The following STK10 variants were observed in gnomAD, a reference collection of about 807,000 sequenced individuals.
STK10 encodes the protein serine/threonine-protein kinase 10.
In STK10, 78 loss-of-function variants were observed where a neutral mutation model predicts 113.8. The ratio of observed to expected loss-of-function variants is 0.69; its 90% CI spans 0.57 to 0.83. STK10 has a LOEUF of 0.83. Ranked by LOEUF, STK10 falls within the 40% of genes least tolerant of loss-of-function variation. STK10 has a pLI of 0.00. For synonymous variants in STK10, 465 were observed against 494.7 expected, an observed-to-expected ratio of 0.94 and a Z score of 0.80; for missense variants, 1,109 against 1,280.1, an observed-to-expected ratio of 0.87 and a Z score of 2.04.
At chr5:172,117,346 G>A in intron 4 of STK10, 135 bp downstream of exon 4, 1 of 909,698 alleles carries the variant, frequency 1.1e-6, no homozygotes, top group Non-Finnish European at 1.6e-6. Flanking sequence ...GAGAACTGCT[G>A]ACATGCCAAG....
At chr5:172,075,289 T>A (rs1768284070) in intron 12 of STK10, among the ~76,000 whole-genome samples, 1 of 152,148 alleles carries the variant, frequency 6.6e-6, no homozygotes, top group South Asian at 2.1e-4. Flanking sequence ...AATACTTGCA[T>A]ACAGAATCTA....
At chr5:172,071,238 A>G (rs918495697) in intron 12 of STK10, among the ~76,000 whole-genome samples, 2 of 144,810 alleles carry the variant, frequency 1.4e-5, no homozygotes, top group Non-Finnish European at 3.0e-5. Flanking sequence ...AAAAAAAAAA[A>G]AAAGAAATAG....
intron 2 of STK10, among the ~76,000 whole-genome samples, chr5:172,127,855 C>T (rs1378355010): frequency 6.6e-6 from 1 of 152,226 alleles, no homozygotes; most frequent in Non-Finnish European, 1.5e-5. Flanking sequence ...CAGCACCTGT[C>T]TCAGGCTCTC....
In STK10 at chr5:172,187,672, C is replaced by T. The variant is rs1484097130; in HGVS notation, c.156+215G>A. Among the ~76,000 whole-genome samples the T allele has an allele frequency of 6.6e-6, 1 of 152,196 alleles. No homozygotes were observed. The highest frequency in any genetic ancestry group is 2.4e-5 in the African/African-American group (1 of 41,458). On this transcript the variant is annotated intron_variant, in intron 1 of 18. Transcript: ENST00000176763. This position sits in a 1 kb window ranked among gnomAD's most constrained non-coding sequence, Gnocchi z 4.6. ...ACAGGGCTAGGGTGGGGGCGGCAAC[C>T]GTGCCCGGAGGGGGCGCCCAGAGCG...
intron 1 of STK10, among the ~76,000 whole-genome samples, chr5:172,159,475 G>A (rs780440950): frequency 6.6e-6 from 1 of 152,180 alleles, no homozygotes; most frequent in Non-Finnish European, 1.5e-5. Context: ...CCAGGAGACG[G>A]AGGCTGCAGT....
intron 2 of STK10, among the ~76,000 whole-genome samples, chr5:172,145,798 C>T (rs113875224): frequency 4.0e-4 from 61 of 152,304 alleles, no homozygotes; most frequent in African/African-American, 1.4e-3. Context: ...TGGGATCACA[C>T]AGGGAAAGCC....
Position 172,093,561 on chromosome 5 carries a change from T to C in STK10, c.1405A>G (p.Ser469Gly). The C allele has an allele frequency of 6.2e-7, 1 of 1,614,242 alleles. No homozygotes were observed. The highest frequency in any genetic ancestry group is 8.5e-7 in the Non-Finnish European group (1 of 1,180,032). ...GCTGCCTGGGCAGGTGGCTCCAGGC[T>C]GCCATTGGCCAGCTTCTCCCCACCC... ...TLGGEKLANG[S>G]LEPPAQAAPG... is the part of the protein sequence containing the mutation. The change falls in exon 9 of 19, where the codon AGC (serine) becomes GGC (glycine). Residue 469 changes from serine (S) to glycine (G), a missense_variant. Ser to Gly is a moderately conservative substitution (Grantham distance 56). Around this residue, in one of 5 missense-constraint regions of STK10, gnomAD observed 885 missense variants for 991.1 expected, o/e 0.89. Coordinates refer to ENST00000176763, the MANE Select transcript of STK10 (RefSeq NM_005990.4). This position sits in a 1 kb window ranked among gnomAD's most constrained non-coding sequence, Gnocchi z 4.1.
intron 18 of STK10, among the ~76,000 whole-genome samples, chr5:172,049,356 G>A (rs538338565): frequency 9.7e-4 from 148 of 152,268 alleles, no homozygotes; most frequent in African/African-American, 3.2e-3. Flanking sequence ...TACAGCCTCC[G>A]TGGGGGAGGC....
intron 15 of STK10, chr5:172,057,049 G>GA (rs1178209567): frequency 9.3e-6 from 2 of 214,186 alleles, no homozygotes; most frequent in East Asian, 1.1e-4. Context: ...AAGAAAGAAA[G>GA]AAAAGAAGAA....
At chr5:172,054,867 G>A (rs186557530) in intron 16 of STK10, among the ~76,000 whole-genome samples, 173 bp from the exon 17 acceptor site, 1 of 152,308 alleles carries the variant, frequency 6.6e-6, no homozygotes, top group Non-Finnish European at 1.5e-5. Flanking sequence ...CCTGAGCTGA[G>A]ACCCAGCCCC....
At chr5:172,055,355 A>T (rs527584109) in intron 16 of STK10, among the ~76,000 whole-genome samples, 26 of 152,032 alleles carry the variant, frequency 1.7e-4, no homozygotes, top group South Asian at 6.2e-4. Context: ...TAATATTTTT[A>T]AAAAATTATT....
chr5:172,114,486 T>A (rs1313918913), intron 4 of STK10: 5 of 91,976 alleles, frequency 5.4e-5, no homozygotes, highest in Admixed American at 2.2e-4. Flanking sequence ...TTTTTTTTTT[T>A]TTTTTTTTTT....
chr5:172,089,067 T>A (rs539078534), intron 10 of STK10, among the ~76,000 whole-genome samples: 2 of 152,126 alleles, frequency 1.3e-5, no homozygotes, highest in South Asian at 4.1e-4. Flanking sequence ...CCCATCCTAG[T>A]CAAGATCTCC....
At chr5:172,110,602 C>A (rs191797022) in intron 4 of STK10, among the ~76,000 whole-genome samples, 208 of 151,972 alleles carry the variant, frequency 1.4e-3, no homozygotes, top group Non-Finnish European at 2.5e-3. Flanking sequence ...GACTGGGAGG[C>A]AGGAAACAGC....
intron 12 of STK10, among the ~76,000 whole-genome samples, chr5:172,075,753 C>G (rs944344760): frequency 6.6e-6 from 1 of 152,166 alleles, no homozygotes; most frequent in Non-Finnish European, 1.5e-5. Flanking sequence ...ATACTCAAAT[C>G]ATTAGTTGTT....
intron 12 of STK10, among the ~76,000 whole-genome samples, chr5:172,081,787 C>T (rs908331650): frequency 6.6e-6 from 1 of 152,212 alleles, no homozygotes; most frequent in East Asian, 1.9e-4. Context: ...TCTCCTTCCT[C>T]CACAGAGGGA....
At chr5:172,056,201 G>A (rs116237750) in intron 15 of STK10, among the ~76,000 whole-genome samples, 2,069 of 152,254 alleles carry the variant, frequency 0.014, 46 homozygotes, top group African/African-American at 0.048. Flanking sequence ...CCTCCAAGAA[G>A]CCTTCCCCGA....
At chr5:172,096,119 GA>G (rs1370692378) in intron 8 of STK10, among the ~76,000 whole-genome samples, 1 of 152,126 alleles carries the variant, frequency 6.6e-6, no homozygotes, top group Non-Finnish European at 1.5e-5. Context: ...GCTGTGACAG[GA>G]ACAAAGGATG....
At chr5:172,104,084 G>A (rs1252125813) in intron 7 of STK10, among the ~76,000 whole-genome samples, 1 of 152,254 alleles carries the variant, frequency 6.6e-6, no homozygotes, top group Non-Finnish European at 1.5e-5. Context: ...ATGGCACACA[G>A]TAGGAAGCTG....
Sources: gnomAD v4.1 joint callset for allele counts (sites outside exome capture counted in the v4.1 genomes callset) on GRCh38, gnomAD v4.1.1 for gene constraint, gnomAD v4.1.1 regional missense constraint, Gnocchi (gnomAD v3.1) non-coding constraint, MANE v1.5 for transcripts, NCBI Gene and HGNC (gene_info 2026-07-23, HGNC 2026-07-21) for gene names.